The following ZMAT1 variants were observed in gnomAD, a reference collection of about 807,000 sequenced individuals.
ZMAT1 encodes the protein zinc finger matrin-type 1, also known as zinc finger matrin-type protein 1.
A neutral mutation model predicts 18.5 loss-of-function variants in ZMAT1; 11 were observed. The observed-to-expected ratio is 0.59, with a 90% CI of 0.37 to 0.98. The LOEUF is 0.98. Among genes scored for constraint, ZMAT1 ranks in the 50% least tolerant of loss-of-function variants. The pLI, the probability that ZMAT1 is intolerant of heterozygous loss-of-function variation, is 0.01. For missense variants in ZMAT1, 525 were observed against 496.2 expected (o/e 1.06, Z -0.55); for synonymous variants, 211 against 176.4 (o/e 1.20, Z -1.55).
At position 101,884,111 on chromosome X, in the gene ZMAT1, A is replaced by G. The variant is rs1423235158; in HGVS notation, c.1487T>C (p.Met496Thr). 1 of 1,209,305 alleles carries G rather than the reference A, an allele frequency of 8.3e-7. No individual in the cohort carries two copies. Among genetic ancestry groups the G allele is most frequent in the Non-Finnish European group, 1.1e-6 (1 of 895,013 alleles). The change falls in exon 6 of 6, where the codon ATG (methionine) becomes ACG (threonine). Residue 496 changes from methionine to threonine, a missense_variant. By Grantham distance (81) the Met-to-Thr change is moderately conservative. Transcript: ENST00000651725. ...EMVDVRPRHR[M>T]LEQKLPCETF... ...CTCACATGGGAGCTTTTGCTCCAAC[A>G]TTCTATGTCTGGGTCTGACATCAAC...
At chrX:101,901,539 T>C (rs749194162) in intron 2 of ZMAT1, among the ~76,000 whole-genome samples, 1 of 111,630 alleles carries the variant, frequency 9.0e-6, no homozygotes, top group East Asian at 2.8e-4. Flanking sequence ...ATACCCACTA[T>C]TCAGTTTTAA....
intron 1 of ZMAT1, among the ~76,000 whole-genome samples, chrX:101,912,928 C>G (rs1204434616): frequency 8.9e-6 from 1 of 111,789 alleles, no homozygotes; most frequent in Non-Finnish European, 1.9e-5. Context: ...CTCTGCAGAA[C>G]TCGCATTAGC....
At chrX:101,907,911 G>A (rs760556986) in intron 1 of ZMAT1, among the ~76,000 whole-genome samples, 14 of 111,661 alleles carry the variant, frequency 1.3e-4, no homozygotes, top group African/African-American at 3.2e-4. Flanking sequence ...AACTAAAACA[G>A]AGCAGGAGTA....
At chrX:101,888,731 A>ATT (rs899997138) in intron 4 of ZMAT1, 2 of 111,038 alleles carry the variant, frequency 1.8e-5, no homozygotes, top group African/African-American at 6.5e-5. Flanking sequence ...TTTTTATGTG[A>ATT]TTTTTTTTAA....
At chrX:101,931,630 G>A in intron 1 of ZMAT1, 87 bp downstream of exon 1, 1 of 728,256 alleles carries the variant, frequency 1.4e-6, no homozygotes, top group Non-Finnish European at 1.6e-6. Flanking sequence ...GGGCAGTGGC[G>A]AACCGCGCCC....
chrX:101,912,003 G>A (rs1013234599), intron 1 of ZMAT1: 4 of 1,188,501 alleles, frequency 3.4e-6, no homozygotes, highest in African/African-American at 1.8e-5. Context: ...CCATATGTGT[G>A]CAGGGACTGT....
At chrX:101,899,658 G>A (rs1417126694) in intron 2 of ZMAT1, among the ~76,000 whole-genome samples, 4 of 112,408 alleles carry the variant, frequency 3.6e-5, no homozygotes, top group African/African-American at 9.7e-5. Context: ...ATGGCTGAGT[G>A]GTATTCCAGT....
At chrX:101,909,500 C>T (rs1928820512) in intron 1 of ZMAT1, among the ~76,000 whole-genome samples, 1 of 112,089 alleles carries the variant, frequency 8.9e-6, no homozygotes, top group African/African-American at 3.2e-5. Flanking sequence ...GACTGTTGGA[C>T]AGCATTTCTG....
chrX:101,884,839 G>C lies in ZMAT1; in HGVS notation c.777-18C>G. On this transcript the variant is annotated intron_variant, in intron 5 of 5. Coordinates refer to ENST00000651725, the MANE Select transcript of ZMAT1 (RefSeq NM_001394560.1). ...TGGATTCTCTGTAAAGAAGACAGTA[G>C]AAAATTGTTATTAGATTATTTTATT... is the stretch of plus-strand genomic sequence containing the variant. The C allele has an allele frequency of 1.1e-6, 1 of 928,696 alleles. No homozygotes were observed. Among genetic ancestry groups the C allele is most frequent in the Non-Finnish European group, 1.5e-6 (1 of 671,346 alleles). The allele number at this position is 928,696 out of a possible 1,213,427, so 76.5% of individuals were successfully genotyped here. A position where few individuals can be genotyped will look rare whatever the true frequency, so the allele number is the denominator to read the frequency against.
chrX:101,918,168 G>A (rs1407481779), intron 1 of ZMAT1, among the ~76,000 whole-genome samples: 1 of 111,379 alleles, frequency 9.0e-6, no homozygotes, highest in Non-Finnish European at 1.9e-5. Context: ...TTTAAATAAT[G>A]CAAACAGTAA....
intron 1 of ZMAT1, among the ~76,000 whole-genome samples, chrX:101,916,229 G>A (rs1317633171): frequency 9.2e-6 from 1 of 108,641 alleles, no homozygotes; most frequent in East Asian, 2.9e-4. Flanking sequence ...AACACACATC[G>A]GGGCCAGTTG....
rs758628590 is a variant in ZMAT1 at position 101,884,248 on chromosome X, T to C, written c.1350A>G (p.Gln450=). The change falls in exon 6 of 6, where the codon CAA becomes CAG. Residue 450 remains glutamine (Q), a synonymous_variant. Coordinates refer to ENST00000651725, the MANE Select transcript of ZMAT1 (RefSeq NM_001394560.1). The stretch of plus-strand genomic sequence containing the variant: ...CTTTTATGTAATCTTCAAGTTCATC[T>C]TGGAAAGAATCATATGTCCTCTTTG... ...THSKRTYDSF[Q]DELEDYIKVQ... 5 of 1,209,368 alleles carry C rather than the reference T, an allele frequency of 4.1e-6. No homozygotes were observed. In the African/African-American group the frequency reaches 8.8e-5, roughly 21 times the overall value.
chrX:101,890,963 G>A (rs6621240), intron 4 of ZMAT1, among the ~76,000 whole-genome samples: 19,430 of 111,023 alleles, frequency 0.18, 1,328 homozygotes, highest in African/African-American at 0.2. Flanking sequence ...TATATGTTAT[G>A]CTAAGGAGCC....
At chrX:101,903,358 T>C (rs1341143740) in intron 2 of ZMAT1, among the ~76,000 whole-genome samples, 1 of 111,945 alleles carries the variant, frequency 8.9e-6, no homozygotes, top group Non-Finnish European at 1.9e-5. Context: ...GACTTAACCC[T>C]ACCTCCTCTC....
At position 101,898,167 on chromosome X, in the gene ZMAT1, T is replaced by C. The variant is rs982683258; in HGVS notation, c.453A>G (p.Gln151=). ...TCATTTTCTTACCAGGCACTTCATT[T>C]TGTTCCCCATGCATTTGAAAATAAA... ...VSFYFQMHGE[Q]NEVPGKKMKM... The change falls in exon 3 of 6, where the codon CAA becomes CAG. Residue 151 remains glutamine, a synonymous_variant. Transcript: ENST00000651725. 1 of 1,211,597 alleles carries C rather than the reference T, an allele frequency of 8.3e-7. No homozygotes were observed.
intron 2 of ZMAT1, among the ~76,000 whole-genome samples, chrX:101,898,500 C>A (rs995940890): frequency 4.5e-5 from 5 of 111,869 alleles, no homozygotes; most frequent in Non-Finnish European, 9.4e-5. Flanking sequence ...GAGCAATGTA[C>A]CCAGTTAAAA....
rs1341807525 is a variant in ZMAT1, at chrX:101,931,769, CGCCGCCGCCATAGTGGAGCCGCCAAA to C, written c.214_239del (p.Phe72GlyfsTer6). On this transcript the variant is annotated frameshift_variant, in exon 1 of 6. Transcript: ENST00000651725. LOFTEE classifies it high-confidence loss of function. Reference sequence around the variant, plus strand: ...CTTTAAAACTACTGCCCCCCCTCCCCGCCGCCGCCATAGTGGAGCCGCCAAAGCCGCCGCCGCCGCCGTCGCCACAG... The same window carrying C: ...CTTTAAAACTACTGCCCCCCCTCCCCGCCGCCGCCGCCGCCGTCGCCACAG... 4 of 771,380 alleles carry C rather than the reference CGCCGCCGCCATAGTGGAGCCGCCAAA, an allele frequency of 5.2e-6. No individual in the cohort carries two copies. The highest frequency in any genetic ancestry group is 2.3e-5 in the African/African-American group (1 of 43,681). The allele number at this position is 771,380 out of a possible 1,213,427, so 63.6% of individuals were successfully genotyped here.
At chrX:101,914,897 A>G (rs1340812301) in intron 1 of ZMAT1, among the ~76,000 whole-genome samples, 2 of 111,631 alleles carry the variant, frequency 1.8e-5, no homozygotes, top group Non-Finnish European at 1.9e-5. Flanking sequence ...AAAGAAAACT[A>G]CAGGCCAAGA....
intron 1 of ZMAT1, among the ~76,000 whole-genome samples, chrX:101,930,759 C>T (rs973065565): frequency 1.8e-5 from 2 of 112,216 alleles, no homozygotes; most frequent in African/African-American, 6.5e-5. Context: ...GTGGAATGGT[C>T]TCCACCAGCT....
Sources: gnomAD v4.1 joint callset for allele counts (sites outside exome capture counted in the v4.1 genomes callset) on GRCh38, gnomAD v4.1.1 for gene constraint, MANE v1.5 for transcripts, NCBI Gene and HGNC (gene_info 2026-07-23, HGNC 2026-07-21) for gene names.